SLC4A5: variants seen among roughly 807,000 people sequenced by gnomAD.
The protein encoded by SLC4A5 is solute carrier family 4 member 5, also known as electrogenic sodium bicarbonate cotransporter 4.
A neutral mutation model predicts 120.4 loss-of-function variants in SLC4A5; 96 were observed. That is an observed-to-expected ratio of 0.80 (90% CI 0.68 to 0.94). SLC4A5 has a LOEUF of 0.94. Ranked by LOEUF, SLC4A5 falls within the 40% of genes least tolerant of loss-of-function variation. The pLI is 0.00. For synonymous variants in SLC4A5, 550 were observed against 571.1 expected (o/e 0.96, Z 0.53); for missense variants, 1,259 against 1,459.5 (o/e 0.86, Z 2.24).
chr2:74,255,862 T>C lies in SLC4A5; in HGVS notation c.938A>G (p.Asp313Gly). The C allele has an allele frequency of 6.2e-7, 1 of 1,614,146 alleles. No individual in the cohort carries two copies. The highest frequency in any genetic ancestry group is 8.5e-7 in the Non-Finnish European group (1 of 1,180,026). Residue 313 changes from aspartate to glycine, a missense_variant, in exon 13 of 31, where the codon GAC becomes GGC. Coordinates refer to ENST00000394019, the Ensembl canonical transcript of SLC4A5. This position sits in a 1 kb window ranked among gnomAD's most constrained non-coding sequence, Gnocchi z 4.0. ...CGCGATGAATGGCTGGTCTAGGAAG[T>C]CCACCTCGCCCACGAGCACGTTGGA...
chr2:74,285,376 C>T (rs532570729), intron 8 of SLC4A5, among the ~76,000 whole-genome samples: 1 of 152,284 alleles, frequency 6.6e-6, no homozygotes, highest in East Asian at 1.9e-4. Flanking sequence ...TCATGGGATG[C>T]AAAACCTGCA....
intron 19 of SLC4A5, among the ~76,000 whole-genome samples, chr2:74,245,432 A>C (rs922282704): frequency 2.6e-5 from 4 of 152,234 alleles, no homozygotes; most frequent in Non-Finnish European, 5.9e-5. Flanking sequence ...GCAACACTGA[A>C]TCTACAGTCT....
chr2:74,273,644 T>A (rs1429578056), intron 8 of SLC4A5, among the ~76,000 whole-genome samples: 1 of 152,248 alleles, frequency 6.6e-6, no homozygotes, highest in African/African-American at 2.4e-5. Flanking sequence ...TTCTTAAAAG[T>A]AAGAAATGTA....
chr2:74,277,593 G>T (rs1671685649), intron 8 of SLC4A5, among the ~76,000 whole-genome samples: 4 of 152,248 alleles, frequency 2.6e-5, no homozygotes, highest in Non-Finnish European at 5.9e-5. Flanking sequence ...GTTGCCAAAG[G>T]GCTTTTAGGC....
At chr2:74,248,364 G>A (rs148607545) in exon 18 of SLC4A5, 30 of 1,613,950 alleles carry the variant, frequency 1.9e-5, no homozygotes, top group African/African-American at 2.7e-5. Flanking sequence ...TGCTGAAGTC[G>A]AAGAGGAGCT....
chr2:74,228,546 C>T (rs1480177914), intron 25 of SLC4A5, among the ~76,000 whole-genome samples: 2 of 152,126 alleles, frequency 1.3e-5, no homozygotes, highest in Non-Finnish European at 2.9e-5. Context: ...AGAAGAATCG[C>T]TTGAATCCGG....
rs1364122112 is a variant in SLC4A5 at position 74,265,206 on chromosome 2, C to T, written c.460G>A (p.Val154Met). ...AGGCTGTGCAGGGATAGTGTGGACACGTGGGGCTTGCTCCAGCGTTCGCCG... is the reference window on the plus strand; with the variant it reads ...AGGCTGTGCAGGGATAGTGTGGACATGTGGGGCTTGCTCCAGCGTTCGCCG... Residue 154 changes from valine (V) to methionine (M), a missense_variant, in exon 9 of 31, where the codon GTG (valine) becomes ATG (methionine). By Grantham distance (21) the Val-to-Met change is conservative (BLOSUM62 1). Transcript: ENST00000394019. 5.6e-6 allele frequency: 9 copies of T among 1,614,114 alleles called. No individual in the cohort carries two copies. Among genetic ancestry groups the T allele is most frequent in the South Asian group, 2.2e-5 (2 of 91,094 alleles).
At chr2:74,340,178 A>G (rs1673593579) in intron 2 of SLC4A5, among the ~76,000 whole-genome samples, 1 of 152,272 alleles carries the variant, frequency 6.6e-6, no homozygotes, top group Non-Finnish European at 1.5e-5. Flanking sequence ...ACATTCAAAA[A>G]TAGTTAAAAT....
chr2:74,294,218 T>C (rs3771733), intron 7 of SLC4A5, among the ~76,000 whole-genome samples: 31,601 of 152,026 alleles, frequency 0.21, 7,176 homozygotes, highest in African/African-American at 0.54. Flanking sequence ...CCATCTGAGT[T>C]CCCTACGCCA....
chr2:74,232,512 C>T (rs769937255), exon 24 of SLC4A5: 5 of 1,614,094 alleles, frequency 3.1e-6, no homozygotes, highest in Non-Finnish European at 3.4e-6. Context: ...GCACTGGTCT[C>T]TGTCTCCATC....
chr2:74,263,085 G>A (rs980159973), intron 10 of SLC4A5, among the ~76,000 whole-genome samples: 2 of 152,190 alleles, frequency 1.3e-5, no homozygotes, highest in Admixed American at 1.3e-4. Context: ...TGTTGCCCAG[G>A]CTGGAGTGCA....
chr2:74,237,303 C>A (rs540208350), intron 21 of SLC4A5, among the ~76,000 whole-genome samples: 1 of 152,004 alleles, frequency 6.6e-6, no homozygotes, highest in African/African-American at 2.4e-5. Context: ...AGTAATGTGA[C>A]GGAAAAAATG....
At position 74,329,398 on chromosome 2, in the gene SLC4A5, T is replaced by A. The variant is rs192894371; in HGVS notation, c.-69-1212A>T. Among the ~76,000 whole-genome samples, 7 of 152,296 alleles carry A rather than the reference T, an allele frequency of 4.6e-5. No individual in the cohort carries two copies. The East Asian group carries it at 1.3e-3, about 29-fold the overall frequency. On this transcript the variant is annotated intron_variant, in intron 4 of 30. Transcript: ENST00000394019. ...TGAGTTCAGGAGTTCGAGACCAGCCTGACCAACATGGAGAAACCCCATCTC... is the reference window on the plus strand; with the variant it reads ...TGAGTTCAGGAGTTCGAGACCAGCCAGACCAACATGGAGAAACCCCATCTC...
At chr2:74,220,619 C>T (rs1246769120) in intron 30 of SLC4A5, among the ~76,000 whole-genome samples, 1 of 151,216 alleles carries the variant, frequency 6.6e-6, no homozygotes, top group African/African-American at 2.4e-5. Flanking sequence ...CAGGTTCACG[C>T]CATTCTCCTG....
At chr2:74,223,336 T>A (rs1001026752) in intron 28 of SLC4A5, among the ~76,000 whole-genome samples, 6 of 152,040 alleles carry the variant, frequency 3.9e-5, no homozygotes, top group Admixed American at 3.3e-4. Context: ...AGATGGAAAA[T>A]GCATGCATGA....
At chr2:74,310,696 G>C (rs1672778776) in intron 6 of SLC4A5, among the ~76,000 whole-genome samples, 1 of 152,096 alleles carries the variant, frequency 6.6e-6, no homozygotes, top group Non-Finnish European at 1.5e-5. Context: ...TGTTGAATTT[G>C]ATCTGCTAGC....
chr2:74,317,850 T>C (rs1291322653), intron 5 of SLC4A5, among the ~76,000 whole-genome samples: 1 of 152,214 alleles, frequency 6.6e-6, no homozygotes, highest in Non-Finnish European at 1.5e-5. Context: ...ACTGTAAGTC[T>C]ATCATTCAAC....
At chr2:74,294,137 T>C (rs1030896868) in intron 7 of SLC4A5, among the ~76,000 whole-genome samples, 1 of 152,112 alleles carries the variant, frequency 6.6e-6, no homozygotes, top group Admixed American at 6.5e-5. Context: ...AAGGCCTAAG[T>C]ATGTTGGGGG....
chr2:74,256,656 A>G (rs1029201126), intron 12 of SLC4A5, among the ~76,000 whole-genome samples: 1 of 152,172 alleles, frequency 6.6e-6, no homozygotes. Context: ...CCCTCCACCC[A>G]AATGTATTCC....
Sources: allele counts gnomAD v4.1 joint callset (sites outside exome capture counted in the v4.1 genomes callset), GRCh38; gene constraint gnomAD v4.1.1; non-coding constraint Gnocchi (gnomAD v3.1); transcripts MANE v1.5; gene names NCBI Gene and HGNC (gene_info 2026-07-23, HGNC 2026-07-21).